The following PABPC4L variants were observed in gnomAD, a reference collection of about 807,000 sequenced individuals.
PABPC4L encodes the protein poly(A) binding protein cytoplasmic 4 like.
For synonymous variants in PABPC4L, 169 were observed against 164.1 expected (o/e 1.03, Z -0.23); for missense variants, 452 against 451.4 (o/e 1.00, Z -0.01).
the PABPC4L span, among the ~76,000 whole-genome samples, chr4:134,106,835 G>T: frequency 6.6e-6 from 1 of 151,336 alleles, no homozygotes; most frequent in Non-Finnish European, 1.5e-5. Flanking sequence ...TGGGTAGGAG[G>T]TTGCATCCTT....
At chr4:134,081,795 T>A in the PABPC4L span, among the ~76,000 whole-genome samples, 1 of 152,046 alleles carries the variant, frequency 6.6e-6, no homozygotes, top group East Asian at 1.9e-4. Context: ...CTGAATAAAA[T>A]GACATACAGT....
the PABPC4L span, among the ~76,000 whole-genome samples, chr4:134,090,732 C>T: frequency 6.6e-6 from 1 of 151,160 alleles, no homozygotes; most frequent in Non-Finnish European, 1.5e-5. Flanking sequence ...CATTGCACTC[C>T]AGCCTAGGTG....
the PABPC4L span, among the ~76,000 whole-genome samples, chr4:133,969,201 C>T: frequency 4.6e-5 from 7 of 152,156 alleles, no homozygotes; most frequent in Non-Finnish European, 7.3e-5. Context: ...GCATGTTTCT[C>T]TATGAACTAA....
At chr4:134,093,810 T>C in the PABPC4L span, among the ~76,000 whole-genome samples, 1 of 151,770 alleles carries the variant, frequency 6.6e-6, no homozygotes, top group South Asian at 2.1e-4. Flanking sequence ...GTTTATATTG[T>C]TCTTCTATTT....
chr4:134,012,920 C>T, the PABPC4L span, among the ~76,000 whole-genome samples: 1 of 152,104 alleles, frequency 6.6e-6, no homozygotes, highest in Non-Finnish European at 1.5e-5. Context: ...ACACGTTTTA[C>T]CCGTGGACCC....
chr4:133,974,486 G>T, the PABPC4L span, among the ~76,000 whole-genome samples: 1 of 151,748 alleles, frequency 6.6e-6, no homozygotes, highest in Non-Finnish European at 1.5e-5. Context: ...AATATCAAAA[G>T]CACAGTGAAA....
the PABPC4L span, among the ~76,000 whole-genome samples, chr4:134,028,271 A>C: frequency 4.3e-4 from 66 of 152,062 alleles, no homozygotes; most frequent in Admixed American, 4.3e-3. Context: ...TGGTTGATGG[A>C]GACCAAATAC....
the PABPC4L span, among the ~76,000 whole-genome samples, chr4:134,085,539 A>G: frequency 6.6e-6 from 1 of 152,252 alleles, no homozygotes; most frequent in Non-Finnish European, 1.5e-5. Flanking sequence ...AACAAAATCA[A>G]GAACTACTGT....
the PABPC4L span, among the ~76,000 whole-genome samples, chr4:133,952,532 T>C: frequency 6.6e-6 from 1 of 152,154 alleles, no homozygotes; most frequent in Non-Finnish European, 1.5e-5. Context: ...AGGGTTCCAA[T>C]AGTCCATCTT....
the PABPC4L span, among the ~76,000 whole-genome samples, chr4:134,092,962 T>C: frequency 6.6e-6 from 1 of 152,104 alleles, no homozygotes; most frequent in Non-Finnish European, 1.5e-5. Context: ...GAGGTTAATT[T>C]TGATAAACTT....
chr4:134,138,777 G>A, the PABPC4L span, among the ~76,000 whole-genome samples: 1 of 151,552 alleles, frequency 6.6e-6, no homozygotes, highest in African/African-American at 2.4e-5. Flanking sequence ...AAATAATAAA[G>A]TCCTCTTGCC....
the PABPC4L span, among the ~76,000 whole-genome samples, chr4:133,965,013 A>C: frequency 6.6e-6 from 1 of 152,176 alleles, no homozygotes; most frequent in East Asian, 1.9e-4. Context: ...AAATTGGTAA[A>C]GAGGAAGTCA....
At chr4:134,191,848 C>A (rs1274954023), downstream of PABPC4L, among the ~76,000 whole-genome samples, 2 of 151,206 alleles carry the variant, frequency 1.3e-5, no homozygotes, top group African/African-American at 4.8e-5. Flanking sequence ...TAACCCAAAG[C>A]AAGCAAAAAT....
At chr4:134,146,538 A>C in the PABPC4L span, among the ~76,000 whole-genome samples, 1 of 152,064 alleles carries the variant, frequency 6.6e-6, no homozygotes, top group South Asian at 2.1e-4. Flanking sequence ...CTCAGCAAGC[A>C]GGAGTGTTAC....
chr4:133,997,532 A>G, the PABPC4L span, among the ~76,000 whole-genome samples: 2 of 152,160 alleles, frequency 1.3e-5, no homozygotes, highest in Non-Finnish European at 2.9e-5. Flanking sequence ...TATAGTTGCC[A>G]TAAAGAGTGA....
chr4:134,074,550 G>A, the PABPC4L span, among the ~76,000 whole-genome samples: 72 of 152,148 alleles, frequency 4.7e-4, no homozygotes, highest in Non-Finnish European at 7.9e-4. Context: ...TTCCAAAGTC[G>A]CTTCCACATT....
the PABPC4L span, among the ~76,000 whole-genome samples, chr4:133,968,348 C>T: frequency 6.6e-6 from 1 of 152,286 alleles, no homozygotes; most frequent in East Asian, 1.9e-4. Context: ...CTCCTCACAT[C>T]CCAACAGACA....
chr4:134,049,105 C>A, the PABPC4L span, among the ~76,000 whole-genome samples: 1 of 152,022 alleles, frequency 6.6e-6, no homozygotes, highest in Non-Finnish European at 1.5e-5. Context: ...CCACTGGTAT[C>A]TGATCCCAAA....
the PABPC4L span, among the ~76,000 whole-genome samples, chr4:134,072,640 TG>T: frequency 6.6e-6 from 1 of 152,152 alleles, no homozygotes; most frequent in Non-Finnish European, 1.5e-5. Context: ...GGTTAGCCTT[TG>T]TATTAGTCCA....
Sources: gnomAD v4.1 joint callset for allele counts (sites outside exome capture counted in the v4.1 genomes callset) on GRCh38, gnomAD v4.1.1 for gene constraint, MANE v1.5 for transcripts, NCBI Gene and HGNC (gene_info 2026-07-23, HGNC 2026-07-21) for gene names.